HACE1: variants seen among roughly 807,000 people sequenced by gnomAD.
The protein encoded by HACE1 is HECT domain and ankyrin repeat containing E3 ubiquitin protein ligase 1, also known as E3 ubiquitin-protein ligase HACE1.
HACE1 carries 73 observed loss-of-function variants against 118.4 expected under a neutral mutation model. The ratio of observed to expected loss-of-function variants is 0.62; its 90% CI spans 0.51 to 0.75. The LOEUF is 0.75. Among genes scored for constraint, HACE1 ranks in the 30% least tolerant of loss-of-function variants. HACE1 has a pLI of 0.00. For missense variants in HACE1, 749 were observed against 1,102.2 expected (o/e 0.68, Z 4.54); for synonymous variants, 368 against 374.8 (o/e 0.98, Z 0.21).
At chr6:104,818,563 C>A (rs778209912) in intron 6 of HACE1, among the ~76,000 whole-genome samples, 3 of 152,018 alleles carry the variant, frequency 2.0e-5, no homozygotes, top group Non-Finnish European at 4.4e-5. Flanking sequence ...GACACCAAAA[C>A]CTGGCAGAGA....
At chr6:104,784,227 G>T in intron 13 of HACE1, 54 bp from the exon 14 acceptor site, 2 of 1,031,810 alleles carry the variant, frequency 1.9e-6, no homozygotes, top group Non-Finnish European at 3.1e-6. Flanking sequence ...AGCATTAAGT[G>T]AAATGCAAAT....
At chr6:104,801,187 G>A (rs893272060) in intron 7 of HACE1, among the ~76,000 whole-genome samples, 1 of 152,144 alleles carries the variant, frequency 6.6e-6, no homozygotes, top group Non-Finnish European at 1.5e-5. Context: ...AAAAAGAAAT[G>A]AACAAAGCCT....
intron 8 of HACE1, 75 bp downstream of exon 8, chr6:104,796,854 G>GA: frequency 1.8e-6 from 2 of 1,130,922 alleles, no homozygotes; most frequent in South Asian, 1.3e-5. Context: ...CCCTTTCATT[G>GA]AAAAAATAAT....
At chr6:104,846,200 T>C (rs540622508) in intron 4 of HACE1, among the ~76,000 whole-genome samples, 19 of 152,258 alleles carry the variant, frequency 1.2e-4, no homozygotes, top group African/African-American at 4.6e-4. Flanking sequence ...TTTTCCAGGG[T>C]CTGAATAAGT....
At position 104,744,248 on chromosome 6, in the gene HACE1, A is replaced by C. The variant is rs1777161767; in HGVS notation, c.2443-18T>G. 6.7e-7 allele frequency: 1 copy of C among 1,490,386 alleles called. No individual in the cohort carries two copies. Among genetic ancestry groups the C allele is most frequent in the East Asian group, 2.3e-5 (1 of 44,246 alleles). 92.3% of individuals were successfully genotyped at this position (1,490,386 alleles called of 1,614,324 possible). ...CAGAACCACTAACAACAAGAACAAA[A>C]AACTTAGCTCATATTTCAGAGCAAT... On this transcript the variant is annotated intron_variant, in intron 21 of 23. Transcript: ENST00000262903.
chr6:104,743,294 C>G (rs1777022730), intron 22 of HACE1, among the ~76,000 whole-genome samples: 1 of 150,154 alleles, frequency 6.7e-6, no homozygotes, highest in South Asian at 2.1e-4. Context: ...CACATGTACC[C>G]TAAAACTTAA....
intron 7 of HACE1, among the ~76,000 whole-genome samples, chr6:104,807,863 A>G (rs1771185302): frequency 6.6e-6 from 1 of 151,742 alleles, no homozygotes; most frequent in African/African-American, 2.4e-5. Flanking sequence ...AATCCATCTG[A>G]AAAAGACTCA....
At chr6:104,850,854 T>A (rs1254683074) in intron 3 of HACE1, 53 bp downstream of exon 3, 1 of 1,051,900 alleles carries the variant, frequency 9.5e-7, no homozygotes, top group African/African-American at 1.6e-5. Context: ...TGTTCAAAGC[T>A]TACTGATCCT....
intron 5 of HACE1, among the ~76,000 whole-genome samples, chr6:104,837,915 C>G (rs1364395917): frequency 2.6e-5 from 4 of 152,018 alleles, no homozygotes; most frequent in Non-Finnish European, 5.9e-5. Context: ...CTGATGTCAG[C>G]AGCAAACAAC....
At chr6:104,830,715 T>C (rs1204396894) in intron 6 of HACE1, among the ~76,000 whole-genome samples, 1 of 152,070 alleles carries the variant, frequency 6.6e-6, no homozygotes, top group Non-Finnish European at 1.5e-5. Flanking sequence ...TTTGAGTTGG[T>C]TTTGTTGTTG....
chr6:104,826,029 C>A (rs905471950), intron 6 of HACE1, among the ~76,000 whole-genome samples: 1 of 152,136 alleles, frequency 6.6e-6, no homozygotes, highest in Non-Finnish European at 1.5e-5. Flanking sequence ...TGCCTCCTGT[C>A]GGATCAGCAG....
intron 7 of HACE1, among the ~76,000 whole-genome samples, chr6:104,801,163 G>T (rs1002000745): frequency 2.6e-5 from 4 of 151,854 alleles, no homozygotes; most frequent in African/African-American, 9.7e-5. Flanking sequence ...GACAAGATTA[G>T]AGAAAAAAAG....
chr6:104,744,278 G>T, intron 21 of HACE1, 48 bp from the exon 22 acceptor site: 1 of 1,133,856 alleles, frequency 8.8e-7, no homozygotes, highest in South Asian at 1.2e-5. Flanking sequence ...AGCAATTGTA[G>T]ACTTCTCAAT....
intron 6 of HACE1, among the ~76,000 whole-genome samples, chr6:104,817,947 T>C (rs192848158): frequency 1.2e-4 from 19 of 152,254 alleles, no homozygotes; most frequent in Admixed American, 1.1e-3. Flanking sequence ...GAAATACATA[T>C]TAAAGGAAAA....
At chr6:104,854,133 A>G (rs1776500207) in intron 1 of HACE1, among the ~76,000 whole-genome samples, 1 of 152,172 alleles carries the variant, frequency 6.6e-6, no homozygotes, top group Non-Finnish European at 1.5e-5. Flanking sequence ...ATCATGAGAA[A>G]ATGTCAGAAA....
At chr6:104,782,971 C>G (rs1382308791) in intron 14 of HACE1, among the ~76,000 whole-genome samples, 1 of 152,176 alleles carries the variant, frequency 6.6e-6, no homozygotes, top group Non-Finnish European at 1.5e-5. Context: ...GCAAGGGTAT[C>G]AGTGGCTCCT....
chr6:104,801,397 C>G (rs934668387), intron 7 of HACE1, among the ~76,000 whole-genome samples: 1 of 152,064 alleles, frequency 6.6e-6, no homozygotes, highest in Non-Finnish European at 1.5e-5. Context: ...AGAAGAGCAA[C>G]CCCAAGACAC....
At chr6:104,793,591 G>T (rs1384242724) in intron 10 of HACE1, among the ~76,000 whole-genome samples, 1 of 152,126 alleles carries the variant, frequency 6.6e-6, no homozygotes, top group Admixed American at 6.5e-5. Flanking sequence ...CACCTTAGTT[G>T]TCACTAATTA....
chr6:104,838,990 T>C (rs770776355), intron 5 of HACE1, among the ~76,000 whole-genome samples: 9 of 146,500 alleles, frequency 6.1e-5, no homozygotes, highest in Non-Finnish European at 1.3e-4. Flanking sequence ...AAAACAGGTA[T>C]ATAAAAAGGT....
Sources: gnomAD v4.1 joint callset for allele counts (sites outside exome capture counted in the v4.1 genomes callset) on GRCh38, gnomAD v4.1.1 for gene constraint, MANE v1.5 for transcripts, NCBI Gene and HGNC (gene_info 2026-07-23, HGNC 2026-07-21) for gene names.